Variants in SYNE1 observed in about 807,000 individuals in gnomAD.
The protein encoded by SYNE1 is spectrin repeat containing nuclear envelope protein 1, also known as nesprin-1.
A neutral mutation model predicts 1,111.0 loss-of-function variants in SYNE1; 616 were observed. The observed-to-expected ratio is 0.55, with a 90% CI of 0.52 to 0.59. The LOEUF (loss-of-function observed/expected upper bound fraction) is 0.59, where lower values mean the gene tolerates loss of function less well. Ranked by LOEUF, SYNE1 falls within the 20% of genes least tolerant of loss-of-function variation. The pLI is 0.00. For missense variants in SYNE1, 10,006 were observed against 10,417.0 expected (o/e 0.96, Z 1.72); for synonymous variants, 3,855 against 3,825.8 (o/e 1.01, Z -0.28).
intron 14 of SYNE1, among the ~76,000 whole-genome samples, chr6:152,474,019 AC>A (rs1462133375): frequency 1.3e-5 from 2 of 152,076 alleles, no homozygotes; most frequent in Non-Finnish European, 2.9e-5. Context: ...CCCCGTCTCT[AC>A]TAAAGATACA....
At position 152,610,080 on chromosome 6, in the gene SYNE1, C is replaced by T. The variant is rs1020467166; in HGVS notation, c.67+18185G>A. Reference sequence around the variant, plus strand: ...CCTGAAAATTCTAAACACCAGAGTGCCTCTTCTCCTCCAAAGGATCACAGC... The same window carrying T: ...CCTGAAAATTCTAAACACCAGAGTGTCTCTTCTCCTCCAAAGGATCACAGC... On this transcript the variant is annotated intron_variant, in intron 3 of 145. Transcript: ENST00000367255. 1.2e-4 allele frequency among the ~76,000 whole-genome samples: 18 copies of T among 152,284 alleles called. 3 individuals carry two copies. The highest frequency in any genetic ancestry group is 8.5e-4 in the Admixed American group (13 of 15,302).
chr6:152,391,034 G>A (rs2097610111), intron 52 of SYNE1, among the ~76,000 whole-genome samples: 1 of 152,152 alleles, frequency 6.6e-6, no homozygotes, highest in African/African-American at 2.4e-5. Context: ...TAGATATTCA[G>A]TAACGCTTGC....
At chr6:152,476,900 T>G (rs1027617460) in intron 14 of SYNE1, among the ~76,000 whole-genome samples, 21 of 145,834 alleles carry the variant, frequency 1.4e-4, no homozygotes, top group East Asian at 1.4e-3. Flanking sequence ...AAGAAAGAAA[T>G]AAAATGGATG....
At chr6:152,569,462 A>G (rs2099433520) in intron 3 of SYNE1, among the ~76,000 whole-genome samples, 1 of 152,210 alleles carries the variant, frequency 6.6e-6, no homozygotes, top group African/African-American at 2.4e-5. Flanking sequence ...GTGCTTATAT[A>G]GCTTAGCCCA....
At chr6:152,310,106 G>T in intron 89 of SYNE1, 89 bp from the exon 90 acceptor site, 3 of 1,396,864 alleles carry the variant, frequency 2.1e-6, no homozygotes, top group Admixed American at 2.3e-5. Context: ...TACGTTGCAA[G>T]TTATAAACAT....
At chr6:152,277,382 A>C (rs554718564) in intron 98 of SYNE1, 2 of 147,170 alleles carry the variant, frequency 1.4e-5, no homozygotes, top group African/African-American at 5.1e-5. Context: ...GGTTCAAGCA[A>C]TTCTCCTGCC....
chr6:152,210,834 C>T (rs2077392795), intron 124 of SYNE1, among the ~76,000 whole-genome samples: 1 of 146,138 alleles, frequency 6.8e-6, no homozygotes, highest in South Asian at 2.2e-4. Flanking sequence ...AAATTTTTAC[C>T]TCTCCATTTT....
chr6:152,211,371 G>A (rs2077492705), intron 124 of SYNE1, 123 bp downstream of exon 124: 2 of 759,714 alleles, frequency 2.6e-6, no homozygotes, highest in East Asian at 5.3e-5. Flanking sequence ...TCCAATTACT[G>A]AGGCCCCACT....
chr6:152,486,454 A>ATTTCTGT (rs1308206466), intron 12 of SYNE1, among the ~76,000 whole-genome samples: 1 of 152,110 alleles, frequency 6.6e-6, no homozygotes, highest in African/African-American at 2.4e-5. Flanking sequence ...TGAAAGGAGG[A>ATTTCTGT]TTTCTGTTTT....
chr6:152,157,760 CTT>C (rs545941179), intron 131 of SYNE1, among the ~76,000 whole-genome samples: 78 of 134,938 alleles, frequency 5.8e-4, no homozygotes, highest in Admixed American at 9.0e-4. Context: ...AGAACAAATT[CTT>C]TTTTTTTTTT....
intron 74 of SYNE1, among the ~76,000 whole-genome samples, chr6:152,340,452 G>C (rs9397503): frequency 0.51 from 77,944 of 151,950 alleles, 20,049 homozygotes; most frequent in East Asian, 0.59. Flanking sequence ...CTGACTTATA[G>C]CTTGCTAGAA....
Position 152,309,862 on chromosome 6 carries a change from G to C in SYNE1, c.17175C>G (p.Thr5725=). Residue 5725 remains threonine (T), a synonymous_variant, in exon 90 of 146, where the codon ACC becomes ACG. Coordinates refer to ENST00000367255, the MANE Select transcript of SYNE1 (RefSeq NM_182961.4). ...LQEEASRLQH[T]AIQQCNIMQE... The stretch of plus-strand genomic sequence containing the variant: ...GCATGATGTTACACTGCTGGATGGC[G>C]GTGTGCTGCAGCCGGCTGGCCTCTT... The C allele has an allele frequency of 6.2e-7, 1 of 1,613,982 alleles. No homozygotes were observed. The highest frequency in any genetic ancestry group is 8.5e-7 in the Non-Finnish European group (1 of 1,180,028).
At position 152,606,976 on chromosome 6, in the gene SYNE1, C is replaced by CTTTTTTTTTTTTT. The variant is rs11387272; in HGVS notation, c.67+21288_67+21289insAAAAAAAAAAAAA. On this transcript the variant is annotated intron_variant, in intron 3 of 145. Transcript: ENST00000367255. ...GCAAAAGGAAAGGCATGCCTCGGTT[C>CTTTTTTTTTTTTT]TCTTTTTTTTTTTTTTTTTTTTTTT... 4.2e-4 allele frequency among the ~76,000 whole-genome samples: 46 copies of CTTTTTTTTTTTTT among 109,120 alleles called. 4 individuals carry two copies. The highest frequency in any genetic ancestry group is 1.7e-3 in the African/African-American group (45 of 26,796). 71.6% of individuals were successfully genotyped at this position (109,120 alleles called of 152,430 possible).
chr6:152,542,289 A>C (rs1260802510), intron 3 of SYNE1, among the ~76,000 whole-genome samples: 1 of 152,156 alleles, frequency 6.6e-6, no homozygotes, highest in Non-Finnish European at 1.5e-5. Flanking sequence ...ATAAATACAA[A>C]ACCTTTTAAT....
At chr6:152,383,529 C>G (rs2154119765) in intron 55 of SYNE1, among the ~76,000 whole-genome samples, 1 of 152,268 alleles carries the variant, frequency 6.6e-6, no homozygotes. Context: ...CGACCACCTT[C>G]TCTACTTAGA....
At chr6:152,261,473 G>A (rs897925995) in intron 101 of SYNE1, among the ~76,000 whole-genome samples, 3 of 152,240 alleles carry the variant, frequency 2.0e-5, no homozygotes, top group South Asian at 2.1e-4. Flanking sequence ...AACCAAGCCC[G>A]ACAGCACACA....
rs1306358888 is a variant in SYNE1 at position 152,391,436 on chromosome 6, T to C, written c.7845A>G (p.Lys2615=). 6.2e-7 allele frequency: 1 copy of C among 1,613,626 alleles called. No homozygotes were observed. Among genetic ancestry groups the C allele is most frequent in the Admixed American group, 1.7e-5 (1 of 59,974 alleles). The stretch of plus-strand genomic sequence containing the variant: ...GAAGGGCCACCTGGCAGCTCCGGAG[T>C]TTCTCTTTGGTCATTCTAAGTAGGT... The part of the protein sequence containing the change: ...HQNLLRMTKE[K]LRSCQVALQE... Residue 2615 remains lysine (K), a synonymous_variant, in exon 52 of 146, where the codon AAA becomes AAG. Coordinates refer to ENST00000367255, the MANE Select transcript of SYNE1 (RefSeq NM_182961.4).
Position 152,122,694 on chromosome 6 carries a change from A to G in SYNE1, c.26154-18T>C. The G allele has an allele frequency of 1.2e-6, 2 of 1,613,648 alleles. No homozygotes were observed. The highest frequency in any genetic ancestry group is 2.2e-5 in the East Asian group (1 of 44,870). On this transcript the variant is annotated intron_variant, in intron 145 of 145. Coordinates refer to ENST00000367255, the MANE Select transcript of SYNE1 (RefSeq NM_182961.4). ...TTGTGGACCTGAGAGAAGAATGGAC[A>G]TAAATTACTCAGATAACTCCAGTGT...
In SYNE1 at chr6:152,347,046, T is replaced by C. The variant is rs754265377; in HGVS notation, c.12078+13A>G. On this transcript the variant is annotated intron_variant, in intron 73 of 145. Coordinates refer to ENST00000367255, the MANE Select transcript of SYNE1 (RefSeq NM_182961.4). ...AATTCCTTGTCACTGTGGAATGTTCTGGGGGCACTCACCCTCTGAGCTGTG... is the reference window on the plus strand; with the variant it reads ...AATTCCTTGTCACTGTGGAATGTTCCGGGGGCACTCACCCTCTGAGCTGTG... 1.2e-6 allele frequency: 2 copies of C among 1,614,026 alleles called. No homozygotes were observed. Among genetic ancestry groups the C allele is most frequent in the Non-Finnish European group, 1.7e-6 (2 of 1,179,976 alleles).
Sources: allele counts gnomAD v4.1 joint callset (sites outside exome capture counted in the v4.1 genomes callset), GRCh38; gene constraint gnomAD v4.1.1; transcripts MANE v1.5; gene names NCBI Gene and HGNC (gene_info 2026-07-23, HGNC 2026-07-21).